The following SEMA5A variants were observed in gnomAD, a reference collection of about 807,000 sequenced individuals.
SEMA5A encodes the protein semaphorin 5A.
A neutral mutation model predicts 135.5 loss-of-function variants in SEMA5A; 55 were observed. The observed-to-expected ratio is 0.41, with a 90% CI of 0.33 to 0.51. SEMA5A has a LOEUF of 0.51. Among genes scored for constraint, SEMA5A ranks in the 20% least tolerant of loss-of-function variants. The pLI, the probability that SEMA5A is intolerant of heterozygous loss-of-function variation, is 0.37. For synonymous variants in SEMA5A, 580 were observed against 546.5 expected, an observed-to-expected ratio of 1.06 and a Z score of -0.85; for missense variants, 1,290 against 1,419.9, an observed-to-expected ratio of 0.91 and a Z score of 1.47.
chr5:9,144,657 G>A (rs1254590907), intron 12 of SEMA5A, among the ~76,000 whole-genome samples: 1 of 152,174 alleles, frequency 6.6e-6, no homozygotes, highest in Non-Finnish European at 1.5e-5. Context: ...GCCTTGTGTA[G>A]CCTTCATCAG....
At chr5:9,471,489 A>C (rs1221578346) in intron 1 of SEMA5A, among the ~76,000 whole-genome samples, 2 of 152,198 alleles carry the variant, frequency 1.3e-5, no homozygotes, top group Non-Finnish European at 2.9e-5. Context: ...AATCCACCAG[A>C]AAGACTGGAA....
intron 18 of SEMA5A, among the ~76,000 whole-genome samples, chr5:9,059,238 C>T (rs1450282710): frequency 6.6e-6 from 1 of 151,168 alleles, no homozygotes; most frequent in Non-Finnish European, 1.5e-5. Flanking sequence ...TTCCTCTTAG[C>T]TGAACATTAC....
intron 21 of SEMA5A, among the ~76,000 whole-genome samples, chr5:9,049,137 T>C (rs886499212): frequency 1.3e-5 from 2 of 148,210 alleles, no homozygotes; most frequent in Admixed American, 6.9e-5. Context: ...ATGTCACAGA[T>C]AGTGAGCTCT....
At chr5:9,286,222 C>T (rs902676785) in intron 5 of SEMA5A, among the ~76,000 whole-genome samples, 3 of 151,920 alleles carry the variant, frequency 2.0e-5, no homozygotes, top group Non-Finnish European at 2.9e-5. Flanking sequence ...AAGAAACACC[C>T]GGGAGACTTC....
intron 8 of SEMA5A, among the ~76,000 whole-genome samples, chr5:9,202,713 T>C (rs979972068): frequency 3.9e-5 from 6 of 152,334 alleles, no homozygotes; most frequent in African/African-American, 1.2e-4. Context: ...TTCCTGTGAC[T>C]TCGACATAAT....
intron 12 of SEMA5A, among the ~76,000 whole-genome samples, chr5:9,140,736 A>G (rs983856): frequency 0.91 from 138,325 of 152,262 alleles, 63,344 homozygotes; most frequent in Non-Finnish European, 0.97. Context: ...GATTCTTTAC[A>G]CAGAGCAAAA....
intron 6 of SEMA5A, among the ~76,000 whole-genome samples, chr5:9,234,034 A>G (rs1442432834): frequency 1.3e-5 from 2 of 152,188 alleles, no homozygotes; most frequent in Admixed American, 6.5e-5. Flanking sequence ...TTCTGTTCTC[A>G]TAAGAACTTC....
At chr5:9,172,917 C>T (rs556719155) in intron 11 of SEMA5A, among the ~76,000 whole-genome samples, 5 of 152,274 alleles carry the variant, frequency 3.3e-5, no homozygotes, top group South Asian at 4.1e-4. Context: ...GCAAGAAATG[C>T]CCTTCTAAAC....
intron 12 of SEMA5A, among the ~76,000 whole-genome samples, chr5:9,152,930 G>C (rs1034665714): frequency 1.2e-4 from 19 of 152,060 alleles, no homozygotes; most frequent in Non-Finnish European, 2.4e-4. Context: ...AAATTAGCTG[G>C]GCATGCTGGC....
chr5:9,120,855 T>C (rs1260810320), intron 14 of SEMA5A, among the ~76,000 whole-genome samples: 1 of 151,762 alleles, frequency 6.6e-6, no homozygotes, highest in Non-Finnish European at 1.5e-5. Context: ...CTCGGCTCAC[T>C]GTAACCTCCG....
chr5:9,142,858 A>G (rs1742141126), intron 12 of SEMA5A, among the ~76,000 whole-genome samples: 1 of 152,210 alleles, frequency 6.6e-6, no homozygotes, highest in Non-Finnish European at 1.5e-5. Context: ...AGGCCGAGGC[A>G]GGAGAATCAC....
intron 5 of SEMA5A, among the ~76,000 whole-genome samples, chr5:9,288,474 G>A (rs1750911403): frequency 6.6e-6 from 1 of 152,158 alleles, no homozygotes; most frequent in African/African-American, 2.4e-5. Flanking sequence ...GGCCGCGAGA[G>A]GGCACAGGGG....
chr5:9,067,952 G>T (rs1737565393), intron 16 of SEMA5A, among the ~76,000 whole-genome samples: 1 of 151,882 alleles, frequency 6.6e-6, no homozygotes, highest in African/African-American at 2.4e-5. Context: ...ATTTCCAAAA[G>T]CCCTTTTGTG....
chr5:9,172,669 C>T lies in SEMA5A; in HGVS notation c.1273+17598G>A, dbSNP rs180908705. 3.3e-5 allele frequency among the ~76,000 whole-genome samples: 5 copies of T among 152,168 alleles called. No homozygotes were observed. In the South Asian group the frequency reaches 1.0e-3, roughly 32 times the overall value. On this transcript the variant is annotated intron_variant, in intron 11 of 22. Coordinates refer to ENST00000382496, the MANE Select transcript of SEMA5A (RefSeq NM_003966.3). ...CTGGGTGTGTAGAAATCAAATTCTA[C>T]CTGGCATAACTGAAGATCACTTTAA...
intron 8 of SEMA5A, among the ~76,000 whole-genome samples, chr5:9,217,802 T>C (rs1266641013): frequency 6.6e-6 from 1 of 152,234 alleles, no homozygotes; most frequent in Admixed American, 6.5e-5. Flanking sequence ...TGTGATTGCA[T>C]TGTAAAATCC....
chr5:9,295,550 G>T (rs1010466728), intron 5 of SEMA5A, among the ~76,000 whole-genome samples: 1 of 152,126 alleles, frequency 6.6e-6, no homozygotes, highest in Non-Finnish European at 1.5e-5. Context: ...TGGGGAAGGA[G>T]GAGGAGGAGG....
intron 2 of SEMA5A, chr5:9,422,422 G>A (rs1757500102): frequency 1.3e-5 from 2 of 152,192 alleles, no homozygotes; most frequent in African/African-American, 4.8e-5. Context: ...ATCCGGAGAA[G>A]AAGCATCATG....
chr5:9,108,354 T>C, intron 15 of SEMA5A, 67 bp from the exon 16 acceptor site: 4 of 1,567,400 alleles, frequency 2.6e-6, no homozygotes, highest in Non-Finnish European at 3.5e-6. Context: ...GACGTTTCCA[T>C]CTCCATCCCT....
intron 5 of SEMA5A, among the ~76,000 whole-genome samples, chr5:9,254,798 G>T (rs958200008): frequency 3.3e-5 from 5 of 152,084 alleles, no homozygotes; most frequent in Admixed American, 2.6e-4. Flanking sequence ...GATCAGATGC[G>T]CAGTTTAGAA....
Sources: allele counts gnomAD v4.1 joint callset (sites outside exome capture counted in the v4.1 genomes callset), GRCh38; gene constraint gnomAD v4.1.1; transcripts MANE v1.5; gene names NCBI Gene and HGNC (gene_info 2026-07-23, HGNC 2026-07-21).